The following RPS6KC1 variants were observed in gnomAD, a reference collection of about 807,000 sequenced individuals.
The protein encoded by RPS6KC1 is inactive ribosomal protein S6 kinase delta-1.
In RPS6KC1, 54 loss-of-function variants were observed where a neutral mutation model predicts 103.8. That is an observed-to-expected ratio of 0.52 (90% CI 0.42 to 0.65). The LOEUF (loss-of-function observed/expected upper bound fraction) is 0.65. Among genes scored for constraint, RPS6KC1 ranks in the 30% least tolerant of loss-of-function variants. The pLI is 0.00. For synonymous variants in RPS6KC1, 439 were observed against 438.7 expected (o/e 1.00, Z -0.01); for missense variants, 1,151 against 1,253.8 (o/e 0.92, Z 1.24).
At chr1:213,289,033 C>T in the RPS6KC1 span, among the ~76,000 whole-genome samples, 46 of 152,048 alleles carry the variant, frequency 3.0e-4, no homozygotes, top group African/African-American at 1.0e-3. Context: ...CTCTGAACTT[C>T]GGCGATGCTG....
the RPS6KC1 span, among the ~76,000 whole-genome samples, chr1:213,285,122 G>A: frequency 6.6e-6 from 1 of 152,228 alleles, no homozygotes; most frequent in Admixed American, 6.5e-5. Flanking sequence ...TGCGGAGTCT[G>A]CAAGTCAGAT....
chr1:213,229,736 G>A (rs1202500389), intron 8 of RPS6KC1, among the ~76,000 whole-genome samples: 1 of 152,122 alleles, frequency 6.6e-6, no homozygotes, highest in African/African-American at 2.4e-5. Context: ...GTTATGAAGG[G>A]TCTTGAGGTC....
the RPS6KC1 span, among the ~76,000 whole-genome samples, chr1:213,482,572 T>C: frequency 8.1e-6 from 1 of 122,706 alleles, no homozygotes. Context: ...TTTTTTGAGA[T>C]GGAGTCTTGC....
chr1:213,344,090 ACAAAACCTTCAG>A, the RPS6KC1 span, among the ~76,000 whole-genome samples: 1 of 152,158 alleles, frequency 6.6e-6, no homozygotes, highest in Non-Finnish European at 1.5e-5. Context: ...AAACAAACAA[ACAAAACCTTCAG>A]CATGTAACCC....
the RPS6KC1 span, among the ~76,000 whole-genome samples, chr1:213,830,685 A>C: frequency 3.3e-5 from 5 of 152,076 alleles, no homozygotes; most frequent in South Asian, 2.1e-4. Context: ...AAAAAAAAAA[A>C]AAAAAACTCT....
chr1:213,402,231 G>A, the RPS6KC1 span, among the ~76,000 whole-genome samples: 3 of 152,144 alleles, frequency 2.0e-5, no homozygotes. Context: ...ATGGTGCCAG[G>A]CAGCCTCAAT....
chr1:213,282,780 C>G, the RPS6KC1 span, among the ~76,000 whole-genome samples: 2 of 152,214 alleles, frequency 1.3e-5, no homozygotes, highest in African/African-American at 4.8e-5. Flanking sequence ...GTGTCAAACA[C>G]TGTCCAAGGC....
At position 213,142,504 on chromosome 1, in the gene RPS6KC1, G is replaced by C. The variant is rs183622832; in HGVS notation, c.835+12615G>C. Among the ~76,000 whole-genome samples the C allele has an allele frequency of 7.2e-5, 11 of 152,176 alleles. No individual in the cohort carries two copies. In the Admixed American group the frequency reaches 7.2e-4, roughly 10 times the overall value. On this transcript the variant is annotated intron_variant, in intron 6 of 14. Transcript: ENST00000366960. ...TGTGTGGGCTGATCTTCCTTTAACTGTGGTGTAATTTGAGTATAGTCAATT... is the reference window on the plus strand; with the variant it reads ...TGTGTGGGCTGATCTTCCTTTAACTCTGGTGTAATTTGAGTATAGTCAATT...
At chr1:213,855,860 G>A in the RPS6KC1 span, among the ~76,000 whole-genome samples, 1 of 152,220 alleles carries the variant, frequency 6.6e-6, no homozygotes, top group African/African-American at 2.4e-5. Flanking sequence ...CTCCATCCCA[G>A]TGTGATTTTC....
intron 6 of RPS6KC1, among the ~76,000 whole-genome samples, chr1:213,162,413 T>C (rs1391642134): frequency 6.6e-6 from 1 of 152,112 alleles, no homozygotes; most frequent in Non-Finnish European, 1.5e-5. Flanking sequence ...CCCCAGTAGC[T>C]GGGACTACAG....
At chr1:213,641,022 A>T in the RPS6KC1 span, among the ~76,000 whole-genome samples, 21,380 of 151,874 alleles carry the variant, frequency 0.14, 2,386 homozygotes, top group African/African-American at 0.31. Context: ...TGTTAGGTAT[A>T]TACACATTTA....
chr1:213,691,389 A>G, the RPS6KC1 span, among the ~76,000 whole-genome samples: 1 of 152,224 alleles, frequency 6.6e-6, no homozygotes, highest in Non-Finnish European at 1.5e-5. Flanking sequence ...CCCAGTAAAG[A>G]GGACTCTGCA....
At chr1:213,552,626 C>T in the RPS6KC1 span, among the ~76,000 whole-genome samples, 1 of 152,126 alleles carries the variant, frequency 6.6e-6, no homozygotes, top group South Asian at 2.1e-4. Flanking sequence ...AATATTTTCT[C>T]CCAGGCCGTG....
At chr1:213,461,605 G>A in the RPS6KC1 span, among the ~76,000 whole-genome samples, 27 of 152,140 alleles carry the variant, frequency 1.8e-4, no homozygotes, top group Non-Finnish European at 3.2e-4. Context: ...GAACAGAACA[G>A]AGGCCTCAGA....
At chr1:213,190,045 C>T (rs890052652) in intron 8 of RPS6KC1, among the ~76,000 whole-genome samples, 12 of 152,224 alleles carry the variant, frequency 7.9e-5, no homozygotes, top group South Asian at 2.1e-4. Context: ...TTTTAAAATC[C>T]GTTCATCTGT....
At chr1:213,448,838 A>C in the RPS6KC1 span, among the ~76,000 whole-genome samples, 2 of 151,796 alleles carry the variant, frequency 1.3e-5, no homozygotes, top group East Asian at 3.9e-4. Context: ...CCTTGCTCAA[A>C]GCTTTTATAG....
chr1:213,675,179 GT>G, the RPS6KC1 span, among the ~76,000 whole-genome samples: 6 of 152,150 alleles, frequency 3.9e-5, no homozygotes, highest in African/African-American at 1.4e-4. Context: ...TCAATATTTG[GT>G]TTTGTTGCAA....
the RPS6KC1 span, among the ~76,000 whole-genome samples, chr1:213,817,528 G>A: frequency 1.1e-3 from 168 of 152,334 alleles, no homozygotes; most frequent in African/African-American, 3.8e-3. Flanking sequence ...TGAAAGGAAG[G>A]AGGCCAGCTT....
the RPS6KC1 span, among the ~76,000 whole-genome samples, chr1:213,765,326 C>T: frequency 6.6e-5 from 10 of 152,132 alleles, no homozygotes; most frequent in African/African-American, 1.7e-4. Context: ...AATCCCTCTC[C>T]GGGGAAAAAG....
Sources: allele counts gnomAD v4.1 joint callset (sites outside exome capture counted in the v4.1 genomes callset), GRCh38; gene constraint gnomAD v4.1.1; transcripts MANE v1.5; gene names NCBI Gene and HGNC (gene_info 2026-07-23, HGNC 2026-07-21).